The following ZNF385D variants were observed in gnomAD, a reference collection of about 807,000 sequenced individuals.
ZNF385D encodes zinc finger protein 659.
In ZNF385D, 15 loss-of-function variants were observed where a neutral mutation model predicts 35.8. That is an observed-to-expected ratio of 0.42 (90% CI 0.28 to 0.64). ZNF385D has a LOEUF of 0.64. ZNF385D is among the 30% of genes least tolerant of loss of function. The pLI, the probability that ZNF385D is intolerant of heterozygous loss-of-function variation, is 0.23. For synonymous variants in ZNF385D, 212 were observed against 186.8 expected, an observed-to-expected ratio of 1.13 and a Z score of -1.10; for missense variants, 474 against 494.6, an observed-to-expected ratio of 0.96 and a Z score of 0.39.
At chr3:22,112,523 A>G (rs1702587391) in intron 3 of ZNF385D, among the ~76,000 whole-genome samples, 1 of 152,168 alleles carries the variant, frequency 6.6e-6, no homozygotes, top group Non-Finnish European at 1.5e-5. Flanking sequence ...TCAATTTATC[A>G]ATGTATGTAA....
intron 3 of ZNF385D, among the ~76,000 whole-genome samples, chr3:21,971,394 G>C (rs974910483): frequency 6.6e-6 from 1 of 151,784 alleles, no homozygotes; most frequent in Non-Finnish European, 1.5e-5. Context: ...TGCAATAAAG[G>C]TTAAGTTGTC....
At chr3:21,908,753 C>A (rs1490173878) in intron 3 of ZNF385D, among the ~76,000 whole-genome samples, 1 of 151,990 alleles carries the variant, frequency 6.6e-6, no homozygotes, top group Admixed American at 6.6e-5. Context: ...CCTTTGTATA[C>A]TGGTTCTTAA....
chr3:22,234,148 G>T (rs1246981936), intron 2 of ZNF385D, among the ~76,000 whole-genome samples: 3 of 152,010 alleles, frequency 2.0e-5, no homozygotes, highest in Admixed American at 1.3e-4. Context: ...CATTATTTGG[G>T]ATTTATATTT....
chr3:21,733,928 T>C (rs1439375269), intron 1 of ZNF385D, among the ~76,000 whole-genome samples: 2 of 152,196 alleles, frequency 1.3e-5, no homozygotes, highest in Non-Finnish European at 2.9e-5. Context: ...TTTAATGTCC[T>C]AATATGGTTT....
chr3:22,059,177 T>C (rs1367920235), intron 3 of ZNF385D, among the ~76,000 whole-genome samples: 5 of 152,086 alleles, frequency 3.3e-5, no homozygotes, highest in Non-Finnish European at 4.4e-5. Context: ...TCATTGGAGG[T>C]GACTGCCCTC....
rs919285905 is a variant in ZNF385D, at chr3:21,907,293, G to T, written c.326-242265C>A. Among the ~76,000 whole-genome samples, 9 of 152,152 alleles carry T rather than the reference G, an allele frequency of 5.9e-5. No individual in the cohort carries two copies. The South Asian group carries it at 1.9e-3, about 32-fold the overall frequency. ...TAACTATCATCCAGAGACAAACATTGCCAACATTGTGGTATATTTCTTTAT... is the reference window on the plus strand; with the variant it reads ...TAACTATCATCCAGAGACAAACATTTCCAACATTGTGGTATATTTCTTTAT... On this transcript the variant is annotated intron_variant, in intron 3 of 5. Coordinates refer to the ZNF385D transcript ENST00000494108.
intron 2 of ZNF385D, among the ~76,000 whole-genome samples, chr3:21,583,270 A>G (rs1156561662): frequency 1.3e-5 from 2 of 152,216 alleles, no homozygotes; most frequent in Non-Finnish European, 2.9e-5. Context: ...CCCATGAGCA[A>G]GCACATTGAG....
intron 3 of ZNF385D, among the ~76,000 whole-genome samples, chr3:21,946,827 G>A (rs560936675): frequency 3.9e-5 from 6 of 152,256 alleles, no homozygotes; most frequent in Admixed American, 1.3e-4. Context: ...GCGACACTCC[G>A]TGTCTAAAAA....
At chr3:21,475,425 C>T (rs150513279) in intron 4 of ZNF385D, among the ~76,000 whole-genome samples, 81 of 152,104 alleles carry the variant, frequency 5.3e-4, no homozygotes, top group African/African-American at 2.0e-3. Context: ...TATCTAATGG[C>T]CCTTTTATTT....
upstream of ZNF385D, among the ~76,000 whole-genome samples, chr3:21,754,226 T>C (rs77742870): frequency 0.18 from 26,751 of 152,114 alleles, 2,859 homozygotes; most frequent in Non-Finnish European, 0.23. Flanking sequence ...CTTGGCTAGA[T>C]AGAGGATTGT....
At chr3:21,817,391 C>A (rs748921402) in intron 3 of ZNF385D, among the ~76,000 whole-genome samples, 1 of 152,108 alleles carries the variant, frequency 6.6e-6, no homozygotes, top group Non-Finnish European at 1.5e-5. Flanking sequence ...TCAGAGTGAA[C>A]AGGCAACCTA....
intron 1 of ZNF385D, among the ~76,000 whole-genome samples, chr3:21,739,069 G>T (rs1297683117): frequency 6.6e-6 from 1 of 152,216 alleles, no homozygotes; most frequent in Non-Finnish European, 1.5e-5. Context: ...AGAAGCGTAT[G>T]GCATTTGACA....
chr3:21,605,300 C>T (rs1279746787), intron 2 of ZNF385D, among the ~76,000 whole-genome samples: 1 of 152,146 alleles, frequency 6.6e-6, no homozygotes, highest in Non-Finnish European at 1.5e-5. Context: ...TTGTATTGGA[C>T]TCAGTATAAA....
chr3:22,161,910 T>C (rs1248281506), intron 3 of ZNF385D, among the ~76,000 whole-genome samples: 3 of 152,188 alleles, frequency 2.0e-5, no homozygotes, highest in South Asian at 4.1e-4. Context: ...TTGTCAATAA[T>C]GTAGACCTGG....
chr3:22,189,133 G>A (rs1207544822), intron 2 of ZNF385D, among the ~76,000 whole-genome samples: 2 of 151,860 alleles, frequency 1.3e-5, no homozygotes, highest in African/African-American at 4.8e-5. Flanking sequence ...TGTCTTTTAG[G>A]GTTAAGTTTT....
rs925254047 is a variant in ZNF385D at position 21,783,647 on chromosome 3, C to T, written c.326-118619G>A. 5.1e-4 allele frequency among the ~76,000 whole-genome samples: 77 copies of T among 152,092 alleles called. 1 individual carries two copies. The highest frequency in any genetic ancestry group is 1.8e-3 in the African/African-American group (73 of 41,414). On this transcript the variant is annotated intron_variant, in intron 3 of 5. Coordinates refer to the ZNF385D transcript ENST00000494108. ...ATTCAGAACCAGCAATTTCTCCGTC[C>T]TTGTTCCCACCATGTCTGGCTCCTT...
chr3:22,062,586 G>C lies in ZNF385D; in HGVS notation c.325+106231C>G, dbSNP rs562221058. ...GCTACTTTAAAATATTTAACATTGT[G>C]GTGGTTTTAAAACATACCCACAAAT... On this transcript the variant is annotated intron_variant, in intron 3 of 5. Transcript: ENST00000494108. 9.2e-5 allele frequency among the ~76,000 whole-genome samples: 14 copies of C among 152,164 alleles called. No homozygotes were observed. In the South Asian group the frequency reaches 1.2e-3, roughly 14 times the overall value.
intron 3 of ZNF385D, among the ~76,000 whole-genome samples, chr3:22,056,274 T>A (rs868673034): frequency 1.5e-5 from 1 of 64,902 alleles, no homozygotes; most frequent in Non-Finnish European, 3.4e-5. Context: ...TAGAGTATAA[T>A]AAAAAAAAAA....
chr3:21,496,317 CTT>C (rs945281862), intron 4 of ZNF385D, among the ~76,000 whole-genome samples: 7 of 144,798 alleles, frequency 4.8e-5, no homozygotes, highest in East Asian at 2.0e-4. Context: ...TTTATTTACT[CTT>C]TATCTCTGCC....
Sources: gnomAD v4.1 joint callset for allele counts (sites outside exome capture counted in the v4.1 genomes callset) on GRCh38, gnomAD v4.1.1 for gene constraint, MANE v1.5 for transcripts, NCBI Gene and HGNC (gene_info 2026-07-23, HGNC 2026-07-21) for gene names.